Variants in RILP observed in about 807,000 individuals in gnomAD.
The protein encoded by RILP is rab-interacting lysosomal protein.
RILP carries 53 observed loss-of-function variants against 40.0 expected under a neutral mutation model. That is an observed-to-expected ratio of 1.32 (90% CI 1.06 to 1.66). The LOEUF (loss-of-function observed/expected upper bound fraction) is 1.66. RILP is among the 40% of genes most tolerant of loss of function. RILP has a pLI of 0.00. For missense variants in RILP, 626 were observed against 551.7 expected (o/e 1.13, Z -1.35); for synonymous variants, 272 against 250.6 (o/e 1.09, Z -0.80).
chr17:1,647,768 G>A (rs1567669993), intron 6 of RILP, 67 bp downstream of exon 6: 1 of 1,595,812 alleles, frequency 6.3e-7, no homozygotes, highest in Non-Finnish European at 8.6e-7. Flanking sequence ...TGACCAGGCT[G>A]GGTCATCAGG....
Position 1,648,740 on chromosome 17 carries a change from C to A in RILP, c.675+59G>T. The A allele has an allele frequency of 6.9e-7, 1 of 1,440,436 alleles. No homozygotes were observed. The highest frequency in any genetic ancestry group is 9.1e-7 in the Non-Finnish European group (1 of 1,101,376). The allele number at this position is 1,440,436 out of a possible 1,614,324, so 89.2% of individuals were successfully genotyped here. ...GCAGCATGCAAACCTTGCTTGAGTG[C>A]CCACCGAGGGCTGGACGCTGCGTCC... On this transcript the variant is annotated intron_variant, in intron 4 of 7. Transcript: ENST00000301336. The surrounding 1 kb of genome is among the most constrained non-coding windows in gnomAD (Gnocchi z 4.9).
Position 1,648,352 on chromosome 17 carries a change from C to A in RILP, c.819G>T (p.Gln273His), listed in dbSNP as rs779999917. The change falls in exon 5 of 8, where the codon CAG becomes CAT. Residue 273 changes from glutamine (Q) to histidine (H), a missense_variant and splice_region_variant. Physicochemically the swap from Gln to His is conservative, Grantham distance 24. Transcript: ENST00000301336. The surrounding 1 kb of genome is among the most constrained non-coding windows in gnomAD (Gnocchi z 4.9). ...FLLKEELAYF[Q>H]RELLTDHRVP... ...CCCCGGCTTCCCAGCGTCCTCACCG[C>A]TGGAAGTAGGCCAGTTCCTCCTTGA... 6.2e-7 allele frequency: 1 copy of A among 1,613,166 alleles called. No individual in the cohort carries two copies. The highest frequency in any genetic ancestry group is 1.3e-5 in the African/African-American group (1 of 74,934).
chr17:1,649,545 C>G lies in RILP; in HGVS notation c.228+32G>C. ...GTCTCAGGCTTCGGCCCTGCCGGCC[C>G]CGTGGGTGGCGAAGGGAGGGCCATG... On this transcript the variant is annotated intron_variant, in intron 1 of 7. Transcript: ENST00000301336. The surrounding 1 kb of genome is among the most constrained non-coding windows in gnomAD (Gnocchi z 4.3). 1 of 1,513,142 alleles carries G rather than the reference C, an allele frequency of 6.6e-7. No homozygotes were observed. Among genetic ancestry groups the G allele is most frequent in the African/African-American group, 1.4e-5 (1 of 71,130 alleles). The allele number at this position is 1,513,142 out of a possible 1,614,324, so 93.7% of individuals were successfully genotyped here. A position where few individuals can be genotyped will look rare whatever the true frequency, so the allele number is the denominator to read the frequency against.
chr17:1,649,759 GAGACCCCC>G lies in RILP; in HGVS notation c.38_45del (p.Trp13SerfsTer23). On this transcript the variant is annotated frameshift_variant, in exon 1 of 8. Transcript: ENST00000301336. LOFTEE classifies it high-confidence loss of function. This position sits in a 1 kb window ranked among gnomAD's most constrained non-coding sequence, Gnocchi z 4.3. ...GCCGATGCCGACCCCGCGGCCTCCCGAGACCCCCAGCCAGGCACCCCGGGCGCCGCCCT... is the reference window on the plus strand; with the variant it reads ...GCCGATGCCGACCCCGCGGCCTCCCGAGCCAGGCACCCCGGGCGCCGCCCT... 1 of 1,584,314 alleles carries G rather than the reference GAGACCCCC, an allele frequency of 6.3e-7. No homozygotes were observed.
chr17:1,647,649 G>A (rs964112770), intron 6 of RILP, among the ~76,000 whole-genome samples, 186 bp downstream of exon 6: 2 of 152,166 alleles, frequency 1.3e-5, no homozygotes, highest in African/African-American at 4.8e-5. Flanking sequence ...GCGGCCATGG[G>A]ACACAGCCAG....
rs774998662 is a variant in RILP, at chr17:1,648,376, G to C, written c.795C>G (p.Leu265=). The change falls in exon 5 of 8, where the codon CTC becomes CTG. Residue 265 remains leucine (L), a synonymous_variant. Coordinates refer to ENST00000301336, the MANE Select transcript of RILP (RefSeq NM_031430.3). The surrounding 1 kb of genome is among the most constrained non-coding windows in gnomAD (Gnocchi z 4.9). Reference sequence around the variant, plus strand: ...GCTGGAAGTAGGCCAGTTCCTCCTTGAGCAGGAACACTTTGGCTTTGAGTT... The same window carrying C: ...GCTGGAAGTAGGCCAGTTCCTCCTTCAGCAGGAACACTTTGGCTTTGAGTT... ...RNELKAKVFL[L]KEELAYFQRE... The C allele has an allele frequency of 1.2e-6, 2 of 1,613,910 alleles. No individual in the cohort carries two copies. Among genetic ancestry groups the C allele is most frequent in the African/African-American group, 2.7e-5 (2 of 74,938 alleles).
Position 1,648,771 on chromosome 17 carries a change from T to C in RILP, c.675+28A>G. ...GAGGGCTGGACGCTGCGTCCTGGGC[T>C]GGGTCCTTGCCCTCATACGGCACTC... On this transcript the variant is annotated intron_variant, in intron 4 of 7. Transcript: ENST00000301336. The surrounding 1 kb of genome is among the most constrained non-coding windows in gnomAD (Gnocchi z 4.9). 1 of 1,488,046 alleles carries C rather than the reference T, an allele frequency of 6.7e-7. No individual in the cohort carries two copies. Among genetic ancestry groups the C allele is most frequent in the South Asian group, 1.3e-5 (1 of 74,324 alleles). The allele number at this position is 1,488,046 out of a possible 1,614,324, so 92.2% of individuals were successfully genotyped here. A position where few individuals can be genotyped will look rare whatever the true frequency, so the allele number is the denominator to read the frequency against.
chr17:1,649,061 G>C lies in RILP; in HGVS notation c.430-17C>G. 1.5e-6 allele frequency: 2 copies of C among 1,307,146 alleles called. No homozygotes were observed. The highest frequency in any genetic ancestry group is 1.9e-6 in the Non-Finnish European group (2 of 1,029,302). 81.0% of individuals were successfully genotyped at this position (1,307,146 alleles called of 1,614,324 possible). A position where few individuals can be genotyped will look rare whatever the true frequency, so the allele number is the denominator to read the frequency against. On this transcript the variant is annotated splice_polypyrimidine_tract_variant and intron_variant, in intron 3 of 7. Transcript: ENST00000301336. This position sits in a 1 kb window ranked among gnomAD's most constrained non-coding sequence, Gnocchi z 4.3. The stretch of plus-strand genomic sequence containing the variant: ...CTCCTGCAACTGGGAGCGGAGCAAA[G>C]GGTGGGGTGGGCGGGGCACCGAGGG...
rs901083616 is a variant in RILP at position 1,646,787 on chromosome 17, C to G, written c.1028+119G>C. 1.4e-5 allele frequency: 15 copies of G among 1,072,894 alleles called. No individual in the cohort carries two copies. The highest frequency in any genetic ancestry group is 1.8e-5 in the Non-Finnish European group (13 of 742,266). 66.5% of individuals were successfully genotyped at this position (1,072,894 alleles called of 1,614,324 possible). A position where few individuals can be genotyped will look rare whatever the true frequency, so the allele number is the denominator to read the frequency against. On this transcript the variant is annotated intron_variant, in intron 7 of 7. Coordinates refer to ENST00000301336, the MANE Select transcript of RILP (RefSeq NM_031430.3). This position sits in a 1 kb window ranked among gnomAD's most constrained non-coding sequence, Gnocchi z 4.3. The stretch of plus-strand genomic sequence containing the variant: ...CAGAGAAGCAGGAGGGGACGGTGTG[C>G]TTAGAGCCAAGCACAGCAGGGTGAC...
chr17:1,648,472 C>A lies in RILP; in HGVS notation c.699G>T (p.Gly233=). The A allele has an allele frequency of 6.2e-7, 1 of 1,613,654 alleles. No homozygotes were observed. The highest frequency in any genetic ancestry group is 8.5e-7 in the Non-Finnish European group (1 of 1,180,008). The change falls in exon 5 of 8, where the codon GGG becomes GGT. Residue 233 remains glycine (G), a synonymous_variant. Coordinates refer to ENST00000301336, the MANE Select transcript of RILP (RefSeq NM_031430.3). This position sits in a 1 kb window ranked among gnomAD's most constrained non-coding sequence, Gnocchi z 4.9. ...GGCACTGCCCTGCCTCCGAGGGGCG[C>A]CCGAGCTGCTGCGCGGCCTCCGCCT... The part of the protein sequence containing the change: ...EDPAEAAQQL[G]RPSEAGQCRF...
chr17:1,649,062 G>T lies in RILP; in HGVS notation c.430-18C>A. The T allele has an allele frequency of 1.5e-6, 2 of 1,308,446 alleles. No individual in the cohort carries two copies. The highest frequency in any genetic ancestry group is 2.1e-5 in the South Asian group (1 of 48,248). 81.1% of individuals were successfully genotyped at this position (1,308,446 alleles called of 1,614,324 possible). ...TCCTGCAACTGGGAGCGGAGCAAAG[G>T]GTGGGGTGGGCGGGGCACCGAGGGC... On this transcript the variant is annotated intron_variant, in intron 3 of 7. Coordinates refer to ENST00000301336, the MANE Select transcript of RILP (RefSeq NM_031430.3). This position sits in a 1 kb window ranked among gnomAD's most constrained non-coding sequence, Gnocchi z 4.3.
In RILP at chr17:1,646,318, G is replaced by C; in HGVS notation, c.*124C>G. On this transcript the variant is annotated 3_prime_UTR_variant, in exon 8 of 8. Coordinates refer to ENST00000301336, the MANE Select transcript of RILP (RefSeq NM_031430.3). This position sits in a 1 kb window ranked among gnomAD's most constrained non-coding sequence, Gnocchi z 4.3. ...GGTACAGAGACGTAGAGAGGGAGGCGGGCTGAGACCCCGTCCTGCCCTGAT... is the reference window on the plus strand; with the variant it reads ...GGTACAGAGACGTAGAGAGGGAGGCCGGCTGAGACCCCGTCCTGCCCTGAT... 1 of 886,422 alleles carries C rather than the reference G, an allele frequency of 1.1e-6. No homozygotes were observed. The allele number at this position is 886,422 out of a possible 1,614,324, so 54.9% of individuals were successfully genotyped here. A position where few individuals can be genotyped will look rare whatever the true frequency, so the allele number is the denominator to read the frequency against.
Position 1,646,857 on chromosome 17 carries a change from G to A in RILP, c.1028+49C>T. On this transcript the variant is annotated intron_variant, in intron 7 of 7. Transcript: ENST00000301336. The surrounding 1 kb of genome is among the most constrained non-coding windows in gnomAD (Gnocchi z 4.3). ...GGGATCCTGAGAAGGACCAGCCAGG[G>A]CCCTTCCTCCCTCCCCACACTCTTG... 1 of 1,394,906 alleles carries A rather than the reference G, an allele frequency of 7.2e-7. No homozygotes were observed. The highest frequency in any genetic ancestry group is 2.4e-5 in the East Asian group (1 of 41,802). The allele number at this position is 1,394,906 out of a possible 1,614,324, so 86.4% of individuals were successfully genotyped here.
Position 1,646,892 on chromosome 17 carries a change from T to G in RILP, c.1028+14A>C. 1.9e-6 allele frequency: 3 copies of G among 1,567,950 alleles called. No homozygotes were observed. Among genetic ancestry groups the G allele is most frequent in the Non-Finnish European group, 2.6e-6 (3 of 1,153,382 alleles). On this transcript the variant is annotated intron_variant, in intron 7 of 7. Transcript: ENST00000301336. The surrounding 1 kb of genome is among the most constrained non-coding windows in gnomAD (Gnocchi z 4.3). ...CCTCCCCACACTCTTGCCTTTCCCC[T>G]TTCCCCAACATACAAACTCTGTATT...
Position 1,649,264 on chromosome 17 carries a change from C to T in RILP, c.365G>A (p.Arg122Gln), listed in dbSNP as rs764605176. The T allele has an allele frequency of 8.0e-6, 12 of 1,504,740 alleles. No homozygotes were observed. Among genetic ancestry groups the T allele is most frequent in the Admixed American group, 2.0e-5 (1 of 49,616 alleles). The allele number at this position is 1,504,740 out of a possible 1,614,324, so 93.2% of individuals were successfully genotyped here. Residue 122 changes from arginine to glutamine, a missense_variant, in exon 3 of 8, where the codon CGA becomes CAA. Arg to Gln is a conservative substitution (Grantham distance 43). Coordinates refer to ENST00000301336, the MANE Select transcript of RILP (RefSeq NM_031430.3). This position sits in a 1 kb window ranked among gnomAD's most constrained non-coding sequence, Gnocchi z 4.3. Reference sequence around the variant, plus strand: ...GTGCGCCCGGAGTTCGTCCCGCTGTCGGTCCGTGACCTCCTTGAGCTGCCG... The same window carrying T: ...GTGCGCCCGGAGTTCGTCCCGCTGTTGGTCCGTGACCTCCTTGAGCTGCCG... ...LLRQLKEVTD[R>Q]QRDELRAHNR...
At position 1,647,692 on chromosome 17, in the gene RILP, T is replaced by G. The variant is rs546258231; in HGVS notation, c.944+143A>C. On this transcript the variant is annotated intron_variant, in intron 6 of 7. Coordinates refer to ENST00000301336, the MANE Select transcript of RILP (RefSeq NM_031430.3). The stretch of plus-strand genomic sequence containing the variant: ...CAGCAGGCCCTAGAAGCGGCCAGGC[T>G]AGGGAGGCTCAAGGGGTGACCGGGT... 50 of 1,052,368 alleles carry G rather than the reference T, an allele frequency of 4.8e-5. No individual in the cohort carries two copies. In the African/African-American group the frequency reaches 5.6e-4, roughly 12 times the overall value. The allele number at this position is 1,052,368 out of a possible 1,614,324, so 65.2% of individuals were successfully genotyped here. A position where few individuals can be genotyped will look rare whatever the true frequency, so the allele number is the denominator to read the frequency against.
Position 1,646,446 on chromosome 17 carries a change from G to A in RILP, c.1202C>T (p.Ala401Val). The A allele has an allele frequency of 6.4e-7, 1 of 1,571,136 alleles. No homozygotes were observed. The highest frequency in any genetic ancestry group is 8.6e-7 in the Non-Finnish European group (1 of 1,160,040). ...TTCCACAGCCAGACCCCTAAGTCAG[G>A]CCTCTGGGGCGGCTGAGGCCCCCAG... Reference protein sequence around the residue: ...LCLGASAAPEA With the variant: ...LCLGASAAPEV The change falls in exon 8 of 8, where the codon GCC becomes GTC. Residue 401 changes from alanine (A) to valine (V), a missense_variant. Physicochemically the swap from Ala to Val is moderately conservative, Grantham distance 64. Coordinates refer to ENST00000301336, the MANE Select transcript of RILP (RefSeq NM_031430.3). This position sits in a 1 kb window ranked among gnomAD's most constrained non-coding sequence, Gnocchi z 4.3.
In RILP at chr17:1,648,518, A is replaced by T. The variant is rs757406104; in HGVS notation, c.676-23T>A. 2.5e-6 allele frequency: 4 copies of T among 1,607,830 alleles called. No individual in the cohort carries two copies. The African/African-American group carries it at 5.4e-5, about 22-fold the overall frequency. ...CGCCTTTGGAAGGACAGGCACAGTCAGAGGGTCGCCTCGGCTGGCGTTCCC... is the reference window on the plus strand; with the variant it reads ...CGCCTTTGGAAGGACAGGCACAGTCTGAGGGTCGCCTCGGCTGGCGTTCCC... On this transcript the variant is annotated intron_variant, in intron 4 of 7. Transcript: ENST00000301336. This position sits in a 1 kb window ranked among gnomAD's most constrained non-coding sequence, Gnocchi z 4.9.
Position 1,649,274 on chromosome 17 carries a change from C to T in RILP, c.355G>A (p.Val119Ile). 8 of 1,507,120 alleles carry T rather than the reference C, an allele frequency of 5.3e-6. No individual in the cohort carries two copies. The highest frequency in any genetic ancestry group is 7.0e-6 in the Non-Finnish European group (8 of 1,135,224). The allele number at this position is 1,507,120 out of a possible 1,614,324, so 93.4% of individuals were successfully genotyped here. ...ERALLRQLKE[V>I]TDRQRDELRA... ...AGTTCGTCCCGCTGTCGGTCCGTGA[C>T]CTCCTTGAGCTGCCGCAGCAGCGCG... Residue 119 changes from valine (V) to isoleucine (I), a missense_variant, in exon 3 of 8, where the codon GTC becomes ATC. Val to Ile is a conservative substitution (Grantham distance 29). Coordinates refer to ENST00000301336, the MANE Select transcript of RILP (RefSeq NM_031430.3). This position sits in a 1 kb window ranked among gnomAD's most constrained non-coding sequence, Gnocchi z 4.3.
Sources: allele counts gnomAD v4.1 joint callset (sites outside exome capture counted in the v4.1 genomes callset), GRCh38; gene constraint gnomAD v4.1.1; non-coding constraint Gnocchi (gnomAD v3.1); transcripts MANE v1.5; gene names NCBI Gene and HGNC (gene_info 2026-07-23, HGNC 2026-07-21).